SPATA6: variants seen among roughly 807,000 people sequenced by gnomAD.
The protein encoded by SPATA6 is spermatogenesis-associated protein 6.
A neutral mutation model predicts 65.3 loss-of-function variants in SPATA6; 56 were observed. The observed-to-expected ratio is 0.86, with a 90% confidence interval of 0.69 to 1.07. The LOEUF is 1.07. Among genes scored for constraint, SPATA6 ranks in the 50% least tolerant of loss-of-function variants. SPATA6 has a pLI of 0.00. For missense variants in SPATA6, 590 were observed against 594.8 expected (o/e 0.99, Z 0.08); for synonymous variants, 199 against 213.2 (o/e 0.93, Z 0.58).
At chr1:48,299,331 T>G (rs944044034) in intron 12 of SPATA6, among the ~76,000 whole-genome samples, 1 of 151,454 alleles carries the variant, frequency 6.6e-6, no homozygotes, top group East Asian at 1.9e-4. Flanking sequence ...CAGACCAACA[T>G]GGAGAAACCC....
chr1:48,450,705 T>C (rs566114181), intron 3 of SPATA6, among the ~76,000 whole-genome samples: 2 of 152,194 alleles, frequency 1.3e-5, no homozygotes, highest in Non-Finnish European at 2.9e-5. Flanking sequence ...GTCACTAAAC[T>C]ATAAGCTCCA....
At chr1:48,436,916 T>C (rs1654994937) in intron 3 of SPATA6, 1 of 1,613,300 alleles carries the variant, frequency 6.2e-7, no homozygotes, top group Admixed American at 1.7e-5. Context: ...GAAAGTGTGC[T>C]TGTCTCCAGT....
intron 11 of SPATA6, among the ~76,000 whole-genome samples, chr1:48,326,922 C>T (rs763321711): frequency 2.6e-5 from 4 of 152,072 alleles, no homozygotes; most frequent in Non-Finnish European, 2.9e-5. Context: ...TAGGGAAAAA[C>T]TCTACTGAAT....
intron 5 of SPATA6, among the ~76,000 whole-genome samples, chr1:48,408,650 T>TA (rs756408613): frequency 2.0e-5 from 3 of 152,170 alleles, no homozygotes; most frequent in Non-Finnish European, 4.4e-5. Flanking sequence ...GATAAAGACA[T>TA]ACCTGAGAAT....
intron 12 of SPATA6, among the ~76,000 whole-genome samples, chr1:48,302,417 C>T (rs1644961444): frequency 6.6e-6 from 1 of 152,172 alleles, no homozygotes; most frequent in African/African-American, 2.4e-5. Flanking sequence ...TTTATTATAC[C>T]TCTCTGTATG....
At chr1:48,429,947 CAGAA>C (rs1338413770) in intron 3 of SPATA6, among the ~76,000 whole-genome samples, 2 of 151,740 alleles carry the variant, frequency 1.3e-5, no homozygotes, top group Non-Finnish European at 2.9e-5. Flanking sequence ...GTCTGAGTAA[CAGAA>C]AGAAAAATAA....
chr1:48,429,445 C>A (rs536142638), intron 3 of SPATA6, among the ~76,000 whole-genome samples: 1 of 152,126 alleles, frequency 6.6e-6, no homozygotes, highest in African/African-American at 2.4e-5. Flanking sequence ...ATCTTCAACA[C>A]AAAGACAGCC....
At chr1:48,326,670 T>G (rs1040313859) in intron 11 of SPATA6, among the ~76,000 whole-genome samples, 7 of 151,964 alleles carry the variant, frequency 4.6e-5, no homozygotes, top group African/African-American at 1.7e-4. Context: ...AACAGACACA[T>G]AATCAATGGA....
intron 9 of SPATA6, among the ~76,000 whole-genome samples, chr1:48,365,593 G>T (rs1030027919): frequency 6.6e-6 from 1 of 151,178 alleles, no homozygotes; most frequent in Non-Finnish European, 1.5e-5. Context: ...TGATTTGGCT[G>T]TTTGTCTGTT....
At chr1:48,363,616 T>C (rs1036024577) in intron 9 of SPATA6, among the ~76,000 whole-genome samples, 2 of 152,012 alleles carry the variant, frequency 1.3e-5, no homozygotes, top group Admixed American at 6.6e-5. Context: ...TTTACATTTA[T>C]GAAAAGAGTT....
chr1:48,265,290 T>C, the SPATA6 span, among the ~76,000 whole-genome samples: 1 of 151,534 alleles, frequency 6.6e-6, no homozygotes, highest in Non-Finnish European at 1.5e-5. Context: ...ATTTTCCTAG[T>C]GCTACTGATA....
At chr1:48,311,272 G>A (rs1475773486) in intron 11 of SPATA6, among the ~76,000 whole-genome samples, 1 of 152,064 alleles carries the variant, frequency 6.6e-6, no homozygotes, top group Non-Finnish European at 1.5e-5. Context: ...AACCAAAGTT[G>A]CTTCTTTGAA....
At chr1:48,415,043 T>C (rs1405474791) in intron 3 of SPATA6, among the ~76,000 whole-genome samples, 2 of 151,782 alleles carry the variant, frequency 1.3e-5, no homozygotes, top group South Asian at 2.1e-4. Flanking sequence ...AGAGATTCTT[T>C]AAAGAAAATA....
At chr1:48,398,113 G>A (rs1650775388) in intron 7 of SPATA6, among the ~76,000 whole-genome samples, 1 of 151,402 alleles carries the variant, frequency 6.6e-6, no homozygotes, top group Admixed American at 6.6e-5. Context: ...CACCAAATAT[G>A]CAACTAAAAT....
intron 11 of SPATA6, among the ~76,000 whole-genome samples, chr1:48,309,729 G>C (rs565368931): frequency 6.6e-5 from 10 of 152,194 alleles, no homozygotes; most frequent in African/African-American, 2.2e-4. Context: ...GTGATTTTCT[G>C]ACTTAGTTCT....
At chr1:48,392,919 T>C (rs1332929266) in intron 8 of SPATA6, among the ~76,000 whole-genome samples, 1 of 149,448 alleles carries the variant, frequency 6.7e-6, no homozygotes, top group African/African-American at 2.5e-5. Flanking sequence ...GGAAAAAATA[T>C]AGTAAAAAAA....
intron 9 of SPATA6, among the ~76,000 whole-genome samples, chr1:48,377,146 A>T (rs1163632436): frequency 6.6e-6 from 1 of 152,172 alleles, no homozygotes; most frequent in Non-Finnish European, 1.5e-5. Flanking sequence ...GGCTACCAGC[A>T]TCCACTCTTT....
intron 11 of SPATA6, among the ~76,000 whole-genome samples, chr1:48,309,452 C>G (rs989885702): frequency 6.6e-6 from 1 of 152,010 alleles, no homozygotes; most frequent in Non-Finnish European, 1.5e-5. Flanking sequence ...TGAATATGTA[C>G]TTGTCAACTT....
At chr1:48,345,529 C>A (rs1366702284) in intron 11 of SPATA6, among the ~76,000 whole-genome samples, 2 of 151,866 alleles carry the variant, frequency 1.3e-5, no homozygotes, top group African/African-American at 4.8e-5. Flanking sequence ...ACACGAAAAA[C>A]CATTCAAAAG....
Sources: gnomAD v4.1 joint callset for allele counts (sites outside exome capture counted in the v4.1 genomes callset) on GRCh38, gnomAD v4.1.1 for gene constraint, MANE v1.5 for transcripts, NCBI Gene and HGNC (gene_info 2026-07-23, HGNC 2026-07-21) for gene names.